SI: variants seen among roughly 807,000 people sequenced by gnomAD.
SI encodes sucrase-isomaltase, intestinal.
SI carries 235 observed loss-of-function variants against 253.3 expected under a neutral mutation model. The ratio of observed to expected loss-of-function variants is 0.93; its 90% CI spans 0.83 to 1.03. The LOEUF (loss-of-function observed/expected upper bound fraction) is 1.03, where lower values mean the gene tolerates loss of function less well. Among genes scored for constraint, SI ranks in the 50% least tolerant of loss-of-function variants. The pLI, the probability that SI is intolerant of heterozygous loss-of-function variation, is 0.00. For missense variants in SI, 2,442 were observed against 2,211.1 expected (o/e 1.10, Z -2.09); for synonymous variants, 819 against 712.0 (o/e 1.15, Z -2.39).
chr3:165,060,961 G>A (rs902700808), intron 9 of SI, among the ~76,000 whole-genome samples: 1 of 149,724 alleles, frequency 6.7e-6, no homozygotes, highest in Non-Finnish European at 1.5e-5. Flanking sequence ...ACTCATGTTG[G>A]GTTATTGTTT....
rs574226526 is a variant in SI at position 165,059,028 on chromosome 3, C to T, written c.1333G>A (p.Glu445Lys). The T allele has an allele frequency of 1.2e-6, 2 of 1,612,568 alleles. No homozygotes were observed. Among genetic ancestry groups the T allele is most frequent in the African/African-American group, 2.7e-5 (2 of 74,972 alleles). The change falls in exon 12 of 48, where the codon GAG (glutamate) becomes AAG (lysine). Residue 445 changes from glutamate to lysine, a missense_variant. Physicochemically the swap from Glu to Lys is moderately conservative, Grantham distance 56 (BLOSUM62 1). Coordinates refer to ENST00000264382, the MANE Select transcript of SI (RefSeq NM_001041.4). ...CACACATGTTGTGTGTTTCCCCTCTCATAGGTTGCATATGTTGTTCCATTG... is the reference window on the plus strand; with the variant it reads ...CACACATGTTGTGTGTTTCCCCTCTTATAGGTTGCATATGTTGTTCCATTG... ...RANGTTYATY[E>K]RGNTQHVWIN...
Position 165,029,568 on chromosome 3 carries a change from G to GTGTATATATATATATATATA in SI, c.2892+1143_2892+1144insTATATATATATATATATACA, listed in dbSNP as rs1559997028. Among the ~76,000 whole-genome samples, 12 of 91,994 alleles carry GTGTATATATATATATATATA rather than the reference G, an allele frequency of 1.3e-4. No individual in the cohort carries two copies. The East Asian group carries it at 7.8e-3, about 60-fold the overall frequency. 60.4% of individuals were successfully genotyped at this position (91,994 alleles called of 152,430 possible). A position where few individuals can be genotyped will look rare whatever the true frequency, so the allele number is the denominator to read the frequency against. Reference sequence around the variant, plus strand: ...TCAATGAGTGGATAAAAAAACTGTGGTGTATATATATACATATATATGTAT... The same window carrying GTGTATATATATATATATATA: ...TCAATGAGTGGATAAAAAAACTGTGGTGTATATATATATATATATATGTATATATATACATATATATGTAT... On this transcript the variant is annotated intron_variant, in intron 25 of 47. Transcript: ENST00000264382.
intron 13 of SI, among the ~76,000 whole-genome samples, chr3:165,054,735 G>C (rs1276457274): frequency 1.3e-5 from 2 of 151,998 alleles, no homozygotes; most frequent in Non-Finnish European, 2.9e-5. Context: ...TTAACCTATT[G>C]CCAATTTTTA....
In SI at chr3:164,979,418, C is replaced by T. The variant is rs2108103215; in HGVS notation, c.5428G>A (p.Asp1810Asn). 1 of 1,544,704 alleles carries T rather than the reference C, an allele frequency of 6.5e-7. No individual in the cohort carries two copies. The highest frequency in any genetic ancestry group is 8.9e-7 in the Non-Finnish European group (1 of 1,118,640). Residue 1810 changes from aspartate (D) to asparagine (N), a missense_variant, in exon 48 of 48, where the codon GAT (aspartate) becomes AAT (asparagine). Physicochemically the swap from Asp to Asn is conservative, Grantham distance 23. Transcript: ENST00000264382. ...EDTTNMILRI[D>N]LTTHNVTLEE... Reference sequence around the variant, plus strand: ...AGAGTAACATTGTGTGTGGTCAGATCAATACGTAATATCTAAAAAAGTAAA... The same window carrying T: ...AGAGTAACATTGTGTGTGGTCAGATTAATACGTAATATCTAAAAAAGTAAA...
intron 19 of SI, 34 bp downstream of exon 19, chr3:165,039,853 C>G: frequency 6.9e-7 from 1 of 1,444,568 alleles, no homozygotes; most frequent in Non-Finnish European, 9.7e-7. Context: ...ATACAAAGTT[C>G]AAACAATAAG....
chr3:165,033,835 T>A (rs1185680193), intron 22 of SI, among the ~76,000 whole-genome samples: 1 of 151,560 alleles, frequency 6.6e-6, no homozygotes, highest in Non-Finnish European at 1.5e-5. Context: ...TATAATACAT[T>A]TTGCATCTTT....
intron 41 of SI, among the ~76,000 whole-genome samples, chr3:164,993,040 T>G (rs1576872019): frequency 6.6e-6 from 1 of 151,902 alleles, no homozygotes; most frequent in Non-Finnish European, 1.5e-5. Flanking sequence ...AATTTGTTTG[T>G]TCTTTTGTTG....
At chr3:165,045,502 T>C (rs774998560) in intron 16 of SI, among the ~76,000 whole-genome samples, 1 of 152,018 alleles carries the variant, frequency 6.6e-6, no homozygotes, top group Non-Finnish European at 1.5e-5. Flanking sequence ...ATTGATCTAT[T>C]TTATTAAAAG....
Position 164,998,637 on chromosome 3 carries a change from T to C in SI, c.4443A>G (p.Val1481=), listed in dbSNP as rs1466650717. 6.2e-7 allele frequency: 1 copy of C among 1,611,810 alleles called. No homozygotes were observed. Among genetic ancestry groups the C allele is most frequent in the Non-Finnish European group, 8.5e-7 (1 of 1,178,366 alleles). Residue 1481 remains valine, a synonymous_variant, in exon 38 of 48, where the codon GTA becomes GTG. Transcript: ENST00000264382. The part of the protein sequence containing the change: ...LQKTTGKRGI[V]ISRSTYPTSG... ...TAGTAGGATACGTGGAACGAGAAAT[T>C]ACAATCCCTCTTTTTCCAGTTGTCT... is the stretch of plus-strand genomic sequence containing the variant.
At chr3:165,032,449 G>T in intron 24 of SI, 73 bp downstream of exon 24, 1 of 994,484 alleles carries the variant, frequency 1.0e-6, no homozygotes, top group Non-Finnish European at 1.5e-6. Flanking sequence ...AATAGGATAA[G>T]TGCCTGAATG....
chr3:164,995,448 A>G (rs1717966367), intron 40 of SI, among the ~76,000 whole-genome samples: 1 of 151,866 alleles, frequency 6.6e-6, no homozygotes, highest in Non-Finnish European at 1.5e-5. Flanking sequence ...ATTCTAAACT[A>G]TACAATTCGA....
At chr3:165,050,750 T>C (rs556871187) in intron 13 of SI, among the ~76,000 whole-genome samples, 1 of 152,222 alleles carries the variant, frequency 6.6e-6, no homozygotes, top group South Asian at 2.1e-4. Flanking sequence ...TCCTTGTCTG[T>C]GTTACTTTTA....
intron 22 of SI, among the ~76,000 whole-genome samples, chr3:165,034,776 G>T (rs761098495): frequency 6.6e-5 from 10 of 151,974 alleles, no homozygotes; most frequent in Non-Finnish European, 1.5e-4. Context: ...ATAAAACTCC[G>T]TCTCCTAACT....
chr3:165,036,022 C>A (rs943299670), intron 22 of SI, among the ~76,000 whole-genome samples: 1 of 151,664 alleles, frequency 6.6e-6, no homozygotes. Context: ...GTTTTATTTT[C>A]TGTTTACAGT....
At chr3:165,017,506 C>A (rs184662363) in intron 31 of SI, 42 bp downstream of exon 31, 1 of 1,573,388 alleles carries the variant, frequency 6.4e-7, no homozygotes, top group Non-Finnish European at 8.7e-7. Flanking sequence ...TCTACTTTTA[C>A]GTATTCCATA....
At chr3:165,009,880 G>A (rs1261642178) in intron 34 of SI, among the ~76,000 whole-genome samples, 1 of 152,096 alleles carries the variant, frequency 6.6e-6, no homozygotes, top group Non-Finnish European at 1.5e-5. Flanking sequence ...ACAGAGAAGA[G>A]GTGTTTTATT....
Position 165,063,510 on chromosome 3 carries a change from A to C in SI, c.839T>G (p.Phe280Cys). ...AGATGTATCTTCAATACACATAAAG[A>C]ATGTTTGATGGCCGTATAAATTATT... ...NNNNLYGHQTFFMCIEDTSGK... is the reference protein window; with the variant it reads ...NNNNLYGHQTCFMCIEDTSGK... The change falls in exon 8 of 48, where the codon TTC (phenylalanine) becomes TGC (cysteine). Residue 280 changes from phenylalanine to cysteine, a missense_variant. By Grantham distance (205) the Phe-to-Cys change is radical. Coordinates refer to ENST00000264382, the MANE Select transcript of SI (RefSeq NM_001041.4). 6.4e-7 allele frequency: 1 copy of C among 1,552,480 alleles called. No homozygotes were observed. The highest frequency in any genetic ancestry group is 8.8e-7 in the Non-Finnish European group (1 of 1,131,072).
chr3:165,032,118 AAGAC>A (rs1183828217), intron 24 of SI, among the ~76,000 whole-genome samples: 1 of 151,342 alleles, frequency 6.6e-6, no homozygotes, highest in African/African-American at 2.4e-5. Flanking sequence ...AAACAGGAGA[AAGAC>A]TAAAGAAATG....
Position 165,059,882 on chromosome 3 carries a change from G to A in SI, c.1146+20C>T, listed in dbSNP as rs528805447. Reference sequence around the variant, plus strand: ...TATTTAACTTGATATATATTCCCACGGACCCTTTATTCTACTTACAAATGG... The same window carrying A: ...TATTTAACTTGATATATATTCCCACAGACCCTTTATTCTACTTACAAATGG... On this transcript the variant is annotated intron_variant, in intron 10 of 47. Coordinates refer to ENST00000264382, the MANE Select transcript of SI (RefSeq NM_001041.4). 3.1e-6 allele frequency: 5 copies of A among 1,608,152 alleles called. No homozygotes were observed. The highest frequency in any genetic ancestry group is 2.2e-5 in the South Asian group (2 of 90,980).
Sources: allele counts gnomAD v4.1 joint callset (sites outside exome capture counted in the v4.1 genomes callset), GRCh38; gene constraint gnomAD v4.1.1; transcripts MANE v1.5; gene names NCBI Gene and HGNC (gene_info 2026-07-23, HGNC 2026-07-21).